The following RBFOX1 variants were observed in gnomAD, a reference collection of about 807,000 sequenced individuals.
RBFOX1 encodes RNA binding protein fox-1 homolog 1.
In RBFOX1, 8 loss-of-function variants were observed where a neutral mutation model predicts 57.7. That is an observed-to-expected ratio of 0.14 (90% CI 0.08 to 0.25). The LOEUF is 0.25. Ranked by LOEUF, RBFOX1 falls within the 10% of genes least tolerant of loss-of-function variation. The probability of loss-of-function intolerance (pLI) is 1.00; values close to 1 mark genes in which losing one functional copy is unlikely to be tolerated. For missense variants in RBFOX1, 611 were observed against 548.5 expected (o/e 1.11, Z -1.14); for synonymous variants, 326 against 222.4 (o/e 1.47, Z -4.15).
chr16:6,239,643 A>G lies in RBFOX1; in HGVS notation c.-126-77352A>G, dbSNP rs940108319. ...CTCCTGAGTAGCTGGGACTACAGGCACCCACCACCATGTCCAGCTAATTTT... is the reference window on the plus strand; with the variant it reads ...CTCCTGAGTAGCTGGGACTACAGGCGCCCACCACCATGTCCAGCTAATTTT... On this transcript the variant is annotated intron_variant, in intron 1 of 15. Coordinates refer to ENST00000550418, the MANE Select transcript of RBFOX1 (RefSeq NM_018723.4). Among the ~76,000 whole-genome samples, 7 of 151,454 alleles carry G rather than the reference A, an allele frequency of 4.6e-5. No homozygotes were observed. The South Asian group carries it at 8.3e-4, about 18-fold the overall frequency.
intron 4 of RBFOX1, among the ~76,000 whole-genome samples, chr16:7,183,183 A>T (rs531465337): frequency 6.6e-6 from 1 of 152,284 alleles, no homozygotes; most frequent in East Asian, 1.9e-4. Context: ...AGTCAGATAG[A>T]ACAGCCACTT....
In RBFOX1 at chr16:6,759,776, G is replaced by T. The variant is rs555925878; in HGVS notation, c.-16+105126G>T. Among the ~76,000 whole-genome samples, 9 of 152,234 alleles carry T rather than the reference G, an allele frequency of 5.9e-5. No individual in the cohort carries two copies. In the South Asian group the frequency reaches 1.7e-3, roughly 28 times the overall value. ...AGAATTCATGCTAAAGAAATAATAAGGAATGTGTGCCAAGATGTGGCTATG... is the reference window on the plus strand; with the variant it reads ...AGAATTCATGCTAAAGAAATAATAATGAATGTGTGCCAAGATGTGGCTATG... On this transcript the variant is annotated intron_variant, in intron 3 of 15. Coordinates refer to ENST00000550418, the MANE Select transcript of RBFOX1 (RefSeq NM_018723.4).
intron 12 of RBFOX1, chr16:7,664,684 G>C (rs1287284589): frequency 1.7e-6 from 1 of 590,786 alleles, no homozygotes; most frequent in African/African-American, 1.9e-5. Context: ...AGAGTGGGAA[G>C]TTTGGGACCT....
At chr16:6,843,519 TGTA>T (rs1419785490) in intron 3 of RBFOX1, among the ~76,000 whole-genome samples, 1 of 151,928 alleles carries the variant, frequency 6.6e-6, no homozygotes, top group Non-Finnish European at 1.5e-5. Context: ...AAACCCCGTC[TGTA>T]CTAAAAATAA....
intron 4 of RBFOX1, among the ~76,000 whole-genome samples, chr16:5,887,619 G>A (rs1044044690): frequency 6.6e-6 from 1 of 152,070 alleles, no homozygotes; most frequent in Non-Finnish European, 1.5e-5. Flanking sequence ...GGCCAGGCTG[G>A]CCTTGAACTC....
chr16:5,572,807 G>A (rs549106664), intron 2 of RBFOX1, among the ~76,000 whole-genome samples: 1 of 152,324 alleles, frequency 6.6e-6, no homozygotes, highest in African/African-American at 2.4e-5. Flanking sequence ...TCGGGATGGG[G>A]CAGAAGGAGG....
chr16:5,941,925 T>C (rs1243674641), intron 4 of RBFOX1, among the ~76,000 whole-genome samples: 2 of 151,570 alleles, frequency 1.3e-5, no homozygotes, highest in Non-Finnish European at 2.9e-5. Flanking sequence ...ATGAACTTTC[T>C]CCTCTATACT....
chr16:6,691,436 C>T (rs2060193210), intron 3 of RBFOX1, among the ~76,000 whole-genome samples: 1 of 151,666 alleles, frequency 6.6e-6, no homozygotes, highest in South Asian at 2.1e-4. Flanking sequence ...TCTCCTTCCT[C>T]AGTACCTTTA....
chr16:5,918,542 C>G (rs2058756000), intron 4 of RBFOX1, among the ~76,000 whole-genome samples: 1 of 152,192 alleles, frequency 6.6e-6, no homozygotes, highest in Non-Finnish European at 1.5e-5. Context: ...GCCTACTGAC[C>G]AGCTTTAACA....
At position 6,496,099 on chromosome 16, in the gene RBFOX1, C is replaced by G. The variant is rs79676054; in HGVS notation, c.-63-158504C>G. On this transcript the variant is annotated intron_variant, in intron 2 of 15. Coordinates refer to ENST00000550418, the MANE Select transcript of RBFOX1 (RefSeq NM_018723.4). ...GAAATGTTAACAAGAAAGATATGTGCTACTCTGGGGTGTCTTGTAGAAAAC... is the reference window on the plus strand; with the variant it reads ...GAAATGTTAACAAGAAAGATATGTGGTACTCTGGGGTGTCTTGTAGAAAAC... 4.9e-3 allele frequency among the ~76,000 whole-genome samples: 745 copies of G among 152,268 alleles called. 24 individuals carry two copies. The East Asian group carries it at 0.097, about 20-fold the overall frequency.
intron 2 of RBFOX1, among the ~76,000 whole-genome samples, chr16:6,544,879 G>A (rs2096873797): frequency 6.6e-6 from 1 of 152,156 alleles, no homozygotes; most frequent in Admixed American, 6.5e-5. Flanking sequence ...CGTTACCTTT[G>A]CCCAGTACCA....
intron 4 of RBFOX1, among the ~76,000 whole-genome samples, chr16:7,410,404 G>T (rs975670753): frequency 2.0e-5 from 3 of 152,220 alleles, no homozygotes; most frequent in African/African-American, 4.8e-5. Flanking sequence ...AGCCTCGGCT[G>T]AGCGTGATGG....
intron 4 of RBFOX1, among the ~76,000 whole-genome samples, chr16:5,945,150 G>T (rs1203399728): frequency 6.6e-6 from 1 of 151,992 alleles, no homozygotes; most frequent in Non-Finnish European, 1.5e-5. Context: ...TTCTGGCAGG[G>T]ACATTGAGCA....
At chr16:6,217,687 G>A (rs916775946) in intron 1 of RBFOX1, among the ~76,000 whole-genome samples, 3 of 152,110 alleles carry the variant, frequency 2.0e-5, no homozygotes, top group Non-Finnish European at 2.9e-5. Flanking sequence ...CTTCAGTATC[G>A]CACAGACACC....
chr16:6,965,733 G>A (rs186731291), intron 3 of RBFOX1, among the ~76,000 whole-genome samples: 1 of 152,336 alleles, frequency 6.6e-6, no homozygotes, highest in Non-Finnish European at 1.5e-5. Context: ...AAATGGGAAT[G>A]ATAATAATCA....
intron 4 of RBFOX1, among the ~76,000 whole-genome samples, chr16:7,079,961 A>G (rs537789332): frequency 6.7e-6 from 1 of 149,850 alleles, no homozygotes; most frequent in African/African-American, 2.5e-5. Context: ...ATGCAGCTGA[A>G]CTATGCATTT....
At chr16:6,715,530 G>A (rs1008928576) in intron 3 of RBFOX1, among the ~76,000 whole-genome samples, 35 of 152,060 alleles carry the variant, frequency 2.3e-4, no homozygotes, top group African/African-American at 8.2e-4. Context: ...ATTCTCTAAC[G>A]GAACTTTATT....
At chr16:6,289,889 T>C (rs538438909) in intron 1 of RBFOX1, among the ~76,000 whole-genome samples, 1 of 152,176 alleles carries the variant, frequency 6.6e-6, no homozygotes, top group South Asian at 2.1e-4. Flanking sequence ...TGAAGCAGTG[T>C]AGAAAGAGGA....
At chr16:7,049,180 C>G (rs1264994660) in intron 3 of RBFOX1, among the ~76,000 whole-genome samples, 1 of 152,146 alleles carries the variant, frequency 6.6e-6, no homozygotes, top group Non-Finnish European at 1.5e-5. Flanking sequence ...TTGTTGTCCT[C>G]CACCCAGAAA....
Sources: gnomAD v4.1 joint callset for allele counts (sites outside exome capture counted in the v4.1 genomes callset) on GRCh38, gnomAD v4.1.1 for gene constraint, MANE v1.5 for transcripts, NCBI Gene and HGNC (gene_info 2026-07-23, HGNC 2026-07-21) for gene names.